TDRD3: variants seen among roughly 807,000 people sequenced by gnomAD.
TDRD3 encodes tudor domain containing 3, also known as tudor domain-containing protein 3.
Under a neutral mutation model 86.7 loss-of-function variants are expected in TDRD3, and 45 were observed. That is an observed-to-expected ratio of 0.52 (90% confidence interval 0.41 to 0.67). TDRD3 has a LOEUF of 0.67. Ranked by LOEUF, TDRD3 falls within the 30% of genes least tolerant of loss-of-function variation. The pLI is 0.00. For missense variants in TDRD3, 814 were observed against 889.0 expected, an observed-to-expected ratio of 0.92 and a Z score of 1.07; for synonymous variants, 298 against 301.7, an observed-to-expected ratio of 0.99 and a Z score of 0.13.
At chr13:60,423,980 C>A (rs979354505) in intron 1 of TDRD3, among the ~76,000 whole-genome samples, 1 of 151,858 alleles carries the variant, frequency 6.6e-6, no homozygotes, top group African/African-American at 2.4e-5. Flanking sequence ...AGCCAAAATC[C>A]TGATGTTTTC....
At chr13:60,403,183 C>T (rs1384914544) in intron 1 of TDRD3, among the ~76,000 whole-genome samples, 1 of 151,290 alleles carries the variant, frequency 6.6e-6, no homozygotes, top group Non-Finnish European at 1.5e-5. Context: ...TTTCAACTGC[C>T]TGTAGACTTG....
At chr13:60,534,017 A>ATT (rs1245967959) in intron 11 of TDRD3, among the ~76,000 whole-genome samples, 2 of 152,210 alleles carry the variant, frequency 1.3e-5, no homozygotes, top group Non-Finnish European at 2.9e-5. Flanking sequence ...AAATTTTAAA[A>ATT]TTGTAGTTAT....
chr13:60,553,893 A>G (rs1958125016), intron 12 of TDRD3, among the ~76,000 whole-genome samples: 2 of 152,204 alleles, frequency 1.3e-5, no homozygotes, highest in African/African-American at 2.4e-5. Flanking sequence ...TTTATATTAG[A>G]AATCTTAAAA....
intron 13 of TDRD3, among the ~76,000 whole-genome samples, chr13:60,571,992 A>G (rs1026361549): frequency 1.3e-5 from 2 of 152,238 alleles, no homozygotes; most frequent in African/African-American, 4.8e-5. Flanking sequence ...AACTGTTAAG[A>G]CAGCTTGGAA....
chr13:60,428,175 C>G (rs1190968256), intron 1 of TDRD3, among the ~76,000 whole-genome samples: 1 of 150,734 alleles, frequency 6.6e-6, no homozygotes, highest in African/African-American at 2.4e-5. Context: ...TTTAAACTCC[C>G]TCTGCCTCTC....
chr13:60,544,455 A>G (rs920023393), intron 12 of TDRD3, among the ~76,000 whole-genome samples: 3 of 145,636 alleles, frequency 2.1e-5, no homozygotes, highest in Non-Finnish European at 4.6e-5. Context: ...AAAAAAAAAA[A>G]AAAAGAAAGA....
chr13:60,405,657 G>A (rs1451773937), intron 1 of TDRD3, among the ~76,000 whole-genome samples: 1 of 152,190 alleles, frequency 6.6e-6, no homozygotes, highest in African/African-American at 2.4e-5. Flanking sequence ...GAGGGACAGT[G>A]TAGTGAGATG....
chr13:60,410,791 C>T (rs1594898996), intron 1 of TDRD3, among the ~76,000 whole-genome samples: 2 of 152,098 alleles, frequency 1.3e-5, no homozygotes, highest in East Asian at 3.9e-4. Flanking sequence ...GCTGGATGTA[C>T]GTTTTCCCTT....
rs567126972 is a variant in TDRD3 at position 60,443,313 on chromosome 13, G to A, written c.127-1370G>A. On this transcript the variant is annotated intron_variant, in intron 2 of 13. Transcript: ENST00000377881. ...TTCAGTACTTTCCAAGTGAAAAGGC[G>A]TACAACGTGAGGTACGGTTTATATT... Among the ~76,000 whole-genome samples the A allele has an allele frequency of 9.9e-5, 15 of 152,090 alleles. No homozygotes were observed. In the South Asian group the frequency reaches 1.2e-3, roughly 13 times the overall value.
chr13:60,555,648 T>C (rs902971494), intron 12 of TDRD3, among the ~76,000 whole-genome samples: 7 of 152,154 alleles, frequency 4.6e-5, no homozygotes, highest in African/African-American at 1.7e-4. Flanking sequence ...GGAAATAATG[T>C]TTATAAAAAT....
chr13:60,499,576 G>GA (rs1956789693), intron 8 of TDRD3, among the ~76,000 whole-genome samples: 1 of 152,234 alleles, frequency 6.6e-6, no homozygotes, highest in African/African-American at 2.4e-5. Flanking sequence ...CTCTTACAGT[G>GA]ATGACATATG....
chr13:60,510,641 G>T lies in TDRD3; in HGVS notation c.1027G>T (p.Gly343Cys). Residue 343 changes from glycine to cysteine, a missense_variant, in exon 10 of 14, where the codon GGC becomes TGC. Gly to Cys is a radical substitution (Grantham distance 159). Transcript: ENST00000377881. ...MGPPLRGRGK[G>C]RGRIRSEDEE... ...TTTTGCATCTAAAGGTAGAGGAAAA[G>T]GCAGGGGGCGAATAAGATCTGAAGA... is the stretch of plus-strand genomic sequence containing the variant. 1 of 1,600,562 alleles carries T rather than the reference G, an allele frequency of 6.2e-7. No individual in the cohort carries two copies. Among genetic ancestry groups the T allele is most frequent in the Non-Finnish European group, 8.5e-7 (1 of 1,173,652 alleles).
At chr13:60,564,932 T>G (rs916089563) in intron 12 of TDRD3, among the ~76,000 whole-genome samples, 1 of 151,968 alleles carries the variant, frequency 6.6e-6, no homozygotes, top group Admixed American at 6.6e-5. Flanking sequence ...GTGATTGTTA[T>G]GGGTAACCAG....
At chr13:60,474,456 G>T (rs896786822) in intron 5 of TDRD3, among the ~76,000 whole-genome samples, 2 of 152,156 alleles carry the variant, frequency 1.3e-5, no homozygotes, top group African/African-American at 4.8e-5. Flanking sequence ...CACACGAGGA[G>T]AAAAAACCCA....
intron 1 of TDRD3, among the ~76,000 whole-genome samples, chr13:60,410,678 A>G (rs1448027344): frequency 6.6e-6 from 1 of 152,002 alleles, no homozygotes; most frequent in Non-Finnish European, 1.5e-5. Flanking sequence ...TTTTGATTTG[A>G]CTTCTTTCCT....
In TDRD3 at chr13:60,455,425, G is replaced by A. The variant is rs1465247659; in HGVS notation, c.193-4955G>A. Among the ~76,000 whole-genome samples the A allele has an allele frequency of 2.0e-5, 3 of 152,124 alleles. No homozygotes were observed. The East Asian group carries it at 5.8e-4, about 29-fold the overall frequency. ...GGGCAATGGGCCTTAAGGTAAAGATGTGAATAATTTAGTCAAAAACCTCCC... is the reference window on the plus strand; with the variant it reads ...GGGCAATGGGCCTTAAGGTAAAGATATGAATAATTTAGTCAAAAACCTCCC... On this transcript the variant is annotated intron_variant, in intron 3 of 13. Transcript: ENST00000377881.
chr13:60,419,738 A>G (rs532156425), intron 1 of TDRD3, among the ~76,000 whole-genome samples: 52 of 152,200 alleles, frequency 3.4e-4, no homozygotes, highest in African/African-American at 1.2e-3. Context: ...ACCATGGCAC[A>G]TGTATACCTA....
intron 9 of TDRD3, 118 bp downstream of exon 9, chr13:60,510,037 T>C: frequency 8.3e-7 from 1 of 1,199,034 alleles, no homozygotes; most frequent in East Asian, 2.5e-5. Context: ...TTATGGTAAG[T>C]GGAAGGAACA....
At chr13:60,454,518 C>T (rs1331928365) in intron 3 of TDRD3, among the ~76,000 whole-genome samples, 2 of 151,942 alleles carry the variant, frequency 1.3e-5, no homozygotes, top group African/African-American at 4.8e-5. Flanking sequence ...ATCAGAAATG[C>T]TTTTTTGTTT....
Sources: gnomAD v4.1 joint callset for allele counts (sites outside exome capture counted in the v4.1 genomes callset) on GRCh38, gnomAD v4.1.1 for gene constraint, MANE v1.5 for transcripts, NCBI Gene and HGNC (gene_info 2026-07-23, HGNC 2026-07-21) for gene names.